The following RBFOX1 variants were observed in gnomAD, a reference collection of about 807,000 sequenced individuals.
The protein encoded by RBFOX1 is RNA binding fox-1 homolog 1.
RBFOX1 carries 8 observed loss-of-function variants against 57.7 expected under a neutral mutation model. That is an observed-to-expected ratio of 0.14 (90% CI 0.08 to 0.25). The LOEUF (loss-of-function observed/expected upper bound fraction) is 0.25. RBFOX1 is among the 10% of genes least tolerant of loss of function. RBFOX1 has a pLI of 1.00. For synonymous variants in RBFOX1, 326 were observed against 222.4 expected (o/e 1.47, Z -4.15); for missense variants, 611 against 548.5 (o/e 1.11, Z -1.14).
intron 1 of RBFOX1, among the ~76,000 whole-genome samples, chr16:5,466,112 G>C (rs915674082): frequency 6.6e-6 from 1 of 152,234 alleles, no homozygotes; most frequent in Non-Finnish European, 1.5e-5. Context: ...CCCACTTTAG[G>C]TGGGAAATCG....
chr16:6,712,207 G>C (rs13335320), intron 3 of RBFOX1, among the ~76,000 whole-genome samples: 14 of 152,108 alleles, frequency 9.2e-5, no homozygotes, highest in Non-Finnish European at 1.0e-4. Flanking sequence ...GGCTGTTTCA[G>C]CTATGGTCAG....
intron 1 of RBFOX1, among the ~76,000 whole-genome samples, chr16:6,228,556 C>T (rs1302188028): frequency 6.6e-6 from 1 of 152,032 alleles, no homozygotes; most frequent in African/African-American, 2.4e-5. Flanking sequence ...TGAACTAAGC[C>T]AGACATAGAA....
At position 5,321,466 on chromosome 16, in the gene RBFOX1, C is replaced by G. The variant is rs558675411; in HGVS notation, c.219+81361C>G. On this transcript the variant is annotated intron_variant, in intron 1 of 2. Transcript: ENST00000585867. ...TCCCGAGTAGCTGGGACTACAGGCG[C>G]CCACCACCATGCCTGGCTAATTTTT... Among the ~76,000 whole-genome samples, 893 of 152,156 alleles carry G rather than the reference C, an allele frequency of 5.9e-3. 10 individuals carry two copies. The highest frequency in any genetic ancestry group is 0.02 in the African/African-American group (843 of 41,524).
intron 3 of RBFOX1, among the ~76,000 whole-genome samples, chr16:6,894,396 C>G (rs977185669): frequency 6.6e-6 from 1 of 152,146 alleles, no homozygotes; most frequent in African/African-American, 2.4e-5. Context: ...TCTTTTGTTC[C>G]ATTCAGCCCA....
At chr16:6,818,544 T>G (rs143791943) in intron 3 of RBFOX1, among the ~76,000 whole-genome samples, 3 of 152,352 alleles carry the variant, frequency 2.0e-5, no homozygotes, top group Non-Finnish European at 4.4e-5. Context: ...TTGTAAGATT[T>G]AAACTCTAGT....
At chr16:7,193,704 A>T (rs867223540) in intron 4 of RBFOX1, among the ~76,000 whole-genome samples, 2 of 152,224 alleles carry the variant, frequency 1.3e-5, no homozygotes, top group Admixed American at 1.3e-4. Flanking sequence ...GACAAAGCAG[A>T]TGCTTAGTCA....
chr16:7,629,462 G>A (rs1356910836), intron 10 of RBFOX1, among the ~76,000 whole-genome samples: 1 of 152,140 alleles, frequency 6.6e-6, no homozygotes, highest in Non-Finnish European at 1.5e-5. Context: ...TTCCCGTTGC[G>A]GTCCTGACAG....
intron 2 of RBFOX1, among the ~76,000 whole-genome samples, chr16:6,514,928 G>A (rs2096343009): frequency 6.6e-6 from 1 of 151,896 alleles, no homozygotes; most frequent in African/African-American, 2.4e-5. Flanking sequence ...GGGAGAATGA[G>A]GACATGAAGG....
At chr16:6,859,874 G>C (rs1026197004) in intron 3 of RBFOX1, among the ~76,000 whole-genome samples, 1 of 152,080 alleles carries the variant, frequency 6.6e-6, no homozygotes, top group African/African-American at 2.4e-5. Flanking sequence ...CTTTTCCTTT[G>C]AGTTAGAGGA....
chr16:7,452,354 C>G (rs1417642798), intron 4 of RBFOX1, among the ~76,000 whole-genome samples: 3 of 152,154 alleles, frequency 2.0e-5, no homozygotes, highest in Non-Finnish European at 4.4e-5. Context: ...GTGCATTGTG[C>G]TAAGAGCTTA....
intron 4 of RBFOX1, among the ~76,000 whole-genome samples, chr16:7,330,393 T>TG (rs1192952310): frequency 2.0e-5 from 3 of 148,372 alleles, no homozygotes; most frequent in East Asian, 3.9e-4. Flanking sequence ...CAGAGGTTTT[T>TG]TTTTTTTTTT....
chr16:5,857,319 A>G (rs2057096938), intron 3 of RBFOX1, among the ~76,000 whole-genome samples: 1 of 152,188 alleles, frequency 6.6e-6, no homozygotes, highest in Non-Finnish European at 1.5e-5. Flanking sequence ...CTGATCACAG[A>G]TAACTGTAAC....
intron 5 of RBFOX1, among the ~76,000 whole-genome samples, chr16:7,554,364 T>C (rs1410035607): frequency 2.6e-5 from 4 of 152,210 alleles, no homozygotes; most frequent in South Asian, 2.1e-4. Flanking sequence ...TATATACTTT[T>C]AGGTAAAAGT....
intron 10 of RBFOX1, among the ~76,000 whole-genome samples, chr16:7,627,843 G>C (rs1275405797): frequency 2.0e-5 from 3 of 151,458 alleles, no homozygotes; most frequent in Admixed American, 6.6e-5. Flanking sequence ...GATGCTTTTA[G>C]ATAAAACAAA....
At chr16:7,621,122 G>T (rs1164745580) in intron 10 of RBFOX1, among the ~76,000 whole-genome samples, 1 of 152,100 alleles carries the variant, frequency 6.6e-6, no homozygotes, top group Non-Finnish European at 1.5e-5. Flanking sequence ...TGAGAAGCAA[G>T]GCCCTAGTAG....
At chr16:7,181,140 T>C (rs1286227312) in intron 4 of RBFOX1, among the ~76,000 whole-genome samples, 3 of 152,200 alleles carry the variant, frequency 2.0e-5, no homozygotes, top group Admixed American at 2.0e-4. Context: ...CAATCCTTCC[T>C]TGTCATGTGC....
chr16:5,969,502 T>G (rs2059921141), intron 4 of RBFOX1, among the ~76,000 whole-genome samples: 1 of 149,962 alleles, frequency 6.7e-6, no homozygotes, highest in African/African-American at 2.4e-5. Context: ...TTTTGTATTT[T>G]TAGTAGAGAC....
At chr16:7,225,641 G>T (rs2093048580) in intron 4 of RBFOX1, among the ~76,000 whole-genome samples, 1 of 151,310 alleles carries the variant, frequency 6.6e-6, no homozygotes, top group South Asian at 2.1e-4. Flanking sequence ...GGTGGCAATG[G>T]ATGATTTGTT....
At chr16:5,863,243 G>C (rs1164776783) in intron 3 of RBFOX1, among the ~76,000 whole-genome samples, 2 of 152,186 alleles carry the variant, frequency 1.3e-5, no homozygotes, top group African/African-American at 4.8e-5. Context: ...GAGAGGAAGG[G>C]AAATGATTAA....
Sources: gnomAD v4.1 joint callset for allele counts (sites outside exome capture counted in the v4.1 genomes callset) on GRCh38, gnomAD v4.1.1 for gene constraint, MANE v1.5 for transcripts, NCBI Gene and HGNC (gene_info 2026-07-23, HGNC 2026-07-21) for gene names.